Variants in ESRRG observed in about 807,000 individuals in gnomAD.
The protein encoded by ESRRG is estrogen related receptor gamma.
Under a neutral mutation model 44.0 loss-of-function variants are expected in ESRRG, and 13 were observed. The ratio of observed to expected loss-of-function variants is 0.30; its 90% CI spans 0.19 to 0.47. ESRRG has a LOEUF of 0.47. Among genes scored for constraint, ESRRG ranks in the 20% least tolerant of loss-of-function variants. The pLI is 1.00. For synonymous variants in ESRRG, 215 were observed against 214.6 expected (o/e 1.00, Z -0.02); for missense variants, 395 against 580.6 (o/e 0.68, Z 3.29).
At chr1:216,542,072 C>CAGAGAGAGAGAGAGAGAGAGAG (rs3040899) in intron 5 of ESRRG, among the ~76,000 whole-genome samples, 2 of 139,846 alleles carry the variant, frequency 1.4e-5, no homozygotes, top group African/African-American at 5.2e-5. Flanking sequence ...GTGTCTATGA[C>CAGAGAGAGAGAGAGAGAGAGAG]AGAGAGAGAG....
chr1:216,831,963 T>C (rs115063173), intron 2 of ESRRG, among the ~76,000 whole-genome samples: 1,670 of 152,352 alleles, frequency 0.011, 37 homozygotes, highest in African/African-American at 0.038. Context: ...CCTGGGTAGA[T>C]AGCCAAGAGC....
At chr1:216,618,167 G>A (rs2061676698) in intron 3 of ESRRG, among the ~76,000 whole-genome samples, 2 of 152,146 alleles carry the variant, frequency 1.3e-5, no homozygotes, top group African/African-American at 4.8e-5. Flanking sequence ...ATTTTAACAA[G>A]ACTCACATAG....
chr1:216,881,932 T>C (rs1205142954), intron 2 of ESRRG, among the ~76,000 whole-genome samples: 1 of 152,074 alleles, frequency 6.6e-6, no homozygotes, highest in East Asian at 1.9e-4. Flanking sequence ...ACTGTGCTGA[T>C]GAGTCTTCTG....
intron 1 of ESRRG, among the ~76,000 whole-genome samples, chr1:216,699,284 T>C (rs2080918764): frequency 1.3e-5 from 2 of 152,154 alleles, no homozygotes; most frequent in African/African-American, 2.4e-5. Flanking sequence ...AAGAATGCTG[T>C]AAAAGTGAGA....
chr1:217,101,994 T>C (rs1328430429), intron 1 of ESRRG, among the ~76,000 whole-genome samples: 1 of 152,074 alleles, frequency 6.6e-6, no homozygotes, highest in Non-Finnish European at 1.5e-5. Flanking sequence ...TTAGTAGAGA[T>C]GGGGTGTCTC....
At chr1:216,890,433 G>C (rs942154479) in intron 2 of ESRRG, among the ~76,000 whole-genome samples, 2 of 152,142 alleles carry the variant, frequency 1.3e-5, no homozygotes, top group Non-Finnish European at 2.9e-5. Context: ...CACAAGCTAT[G>C]AGCTGCGGAT....
chr1:216,548,038 A>G (rs1558417930), intron 5 of ESRRG, among the ~76,000 whole-genome samples: 1 of 152,204 alleles, frequency 6.6e-6, no homozygotes, highest in Admixed American at 6.6e-5. Flanking sequence ...CTAGCAAAAC[A>G]ATCACCTAGA....
chr1:216,694,981 G>T (rs1487218423), intron 1 of ESRRG, among the ~76,000 whole-genome samples: 1 of 152,006 alleles, frequency 6.6e-6, no homozygotes, highest in Non-Finnish European at 1.5e-5. Context: ...TTTGAACTCG[G>T]TGTTTACAGC....
intron 3 of ESRRG, among the ~76,000 whole-genome samples, chr1:216,619,458 T>C (rs1312158968): frequency 7.9e-5 from 12 of 152,292 alleles, no homozygotes; most frequent in Non-Finnish European, 1.5e-4. Flanking sequence ...AAATGGGAAG[T>C]AAGATCTCTT....
At chr1:216,950,227 A>G (rs186189944) in intron 1 of ESRRG, among the ~76,000 whole-genome samples, 3 of 152,332 alleles carry the variant, frequency 2.0e-5, no homozygotes, top group African/African-American at 7.2e-5. Flanking sequence ...CTGGCCCATA[A>G]TTGGTGTTCC....
intron 2 of ESRRG, among the ~76,000 whole-genome samples, chr1:216,854,548 A>G (rs1322566424): frequency 5.3e-5 from 8 of 152,028 alleles, no homozygotes; most frequent in Admixed American, 5.2e-4. Flanking sequence ...GAACTGATAA[A>G]TTTTGTAGAA....
At chr1:216,684,295 G>T (rs1012956900) in intron 1 of ESRRG, among the ~76,000 whole-genome samples, 2 of 152,272 alleles carry the variant, frequency 1.3e-5, no homozygotes, top group African/African-American at 4.8e-5. Flanking sequence ...AAAAGAAATG[G>T]TCCTGTGATA....
At chr1:216,582,584 G>T (rs1240984217) in intron 3 of ESRRG, among the ~76,000 whole-genome samples, 4 of 152,116 alleles carry the variant, frequency 2.6e-5, no homozygotes, top group African/African-American at 9.7e-5. Context: ...GTTATTACAG[G>T]AATGTGCCAC....
intron 1 of ESRRG, among the ~76,000 whole-genome samples, chr1:217,050,966 G>A (rs1345358342): frequency 6.6e-6 from 1 of 151,952 alleles, no homozygotes; most frequent in East Asian, 1.9e-4. Context: ...AGCCAGGTGT[G>A]GGAAGGACTC....
intron 2 of ESRRG, among the ~76,000 whole-genome samples, chr1:216,911,246 G>C (rs1476944798): frequency 6.6e-6 from 1 of 152,088 alleles, no homozygotes; most frequent in Non-Finnish European, 1.5e-5. Context: ...TAAGTGAAAG[G>C]ATAAATAAAC....
chr1:216,557,360 A>G (rs974936728), intron 5 of ESRRG, among the ~76,000 whole-genome samples: 1 of 152,170 alleles, frequency 6.6e-6, no homozygotes, highest in East Asian at 1.9e-4. Flanking sequence ...ACAAATGACA[A>G]TGAACAACAG....
intron 2 of ESRRG, among the ~76,000 whole-genome samples, chr1:216,796,587 T>C (rs1307892597): frequency 6.6e-6 from 1 of 152,148 alleles, no homozygotes; most frequent in East Asian, 1.9e-4. Context: ...CTTCCAAATC[T>C]TTAAAAAAGA....
intron 2 of ESRRG, among the ~76,000 whole-genome samples, chr1:216,740,416 GCA>G (rs146948655): frequency 6.6e-6 from 1 of 151,790 alleles, no homozygotes; most frequent in Non-Finnish European, 1.5e-5. Flanking sequence ...CACAAGAGGT[GCA>G]CACACACACA....
At chr1:216,768,797 A>T (rs564957775) in intron 2 of ESRRG, among the ~76,000 whole-genome samples, 1 of 152,184 alleles carries the variant, frequency 6.6e-6, no homozygotes, top group East Asian at 1.9e-4. Flanking sequence ...AGCCTCTGTG[A>T]GGTAAATATT....
Sources: allele counts gnomAD v4.1 joint callset (sites outside exome capture counted in the v4.1 genomes callset), GRCh38; gene constraint gnomAD v4.1.1; transcripts MANE v1.5; gene names NCBI Gene and HGNC (gene_info 2026-07-23, HGNC 2026-07-21).